The following AFAP1 variants were observed in gnomAD, a reference collection of about 807,000 sequenced individuals.
The protein encoded by AFAP1 is actin filament-associated protein 1.
In AFAP1, 75 loss-of-function variants were observed where a neutral mutation model predicts 93.9. The ratio of observed to expected loss-of-function variants is 0.80; its 90% CI spans 0.66 to 0.97. The LOEUF (loss-of-function observed/expected upper bound fraction) is 0.97, where lower values mean the gene tolerates loss of function less well. Among genes scored for constraint, AFAP1 ranks in the 50% least tolerant of loss-of-function variants. The pLI is 0.00. For missense variants in AFAP1, 1,201 were observed against 1,050.8 expected (o/e 1.14, Z -1.98); for synonymous variants, 517 against 430.7 (o/e 1.20, Z -2.48).
intron 12 of AFAP1, 67 bp from the exon 13 acceptor site, chr4:7,781,694 G>A (rs1412291770): frequency 4.6e-5 from 71 of 1,528,860 alleles, no homozygotes; most frequent in Non-Finnish European, 6.0e-5. Context: ...AGCACAGTGA[G>A]ATGTCATTTA....
At chr4:7,788,394 A>C (rs1717515261) in intron 11 of AFAP1, among the ~76,000 whole-genome samples, 2 of 152,236 alleles carry the variant, frequency 1.3e-5, no homozygotes, top group Non-Finnish European at 2.9e-5. Flanking sequence ...GGGCTTCAGC[A>C]GTGCGGGCCG....
chr4:7,778,928 A>C, intron 13 of AFAP1, 52 bp from the exon 14 acceptor site: 4 of 1,354,522 alleles, frequency 3.0e-6, no homozygotes, highest in Non-Finnish European at 3.1e-6. Context: ...AGTCAAACAA[A>C]TCTTGGTCTT....
intron 1 of AFAP1, among the ~76,000 whole-genome samples, chr4:7,905,497 G>T (rs1388597906): frequency 6.6e-6 from 1 of 152,216 alleles, no homozygotes; most frequent in Non-Finnish European, 1.5e-5. Flanking sequence ...CCCTCTGGGC[G>T]CACAGCTGCT....
intron 8 of AFAP1, 104 bp from the exon 9 acceptor site, chr4:7,809,867 T>C: frequency 2.2e-6 from 3 of 1,386,038 alleles, no homozygotes; most frequent in Non-Finnish European, 2.9e-6. Flanking sequence ...TGGCATTTTT[T>C]TCTTTTATTA....
At chr4:7,903,722 T>C (rs1184501167) in intron 1 of AFAP1, among the ~76,000 whole-genome samples, 3 of 152,084 alleles carry the variant, frequency 2.0e-5, no homozygotes, top group Non-Finnish European at 4.4e-5. Context: ...GAGAATAAGA[T>C]ACCAAAAGAA....
rs574054604 is a variant in AFAP1, at chr4:7,769,624, T to C, written c.2254-616A>G. Among the ~76,000 whole-genome samples the C allele has an allele frequency of 3.0e-3, 449 of 149,564 alleles. 1 individual carries two copies. Among genetic ancestry groups the C allele is most frequent in the Non-Finnish European group, 5.1e-3 (343 of 67,672 alleles). On this transcript the variant is annotated intron_variant, in intron 16 of 17. Transcript: ENST00000420658. ...GGCCCCCATTGCTGGCTCTTCCATA[T>C]GGGATCCCAAACTGCTCTCTGGGGG...
chr4:7,933,712 A>G (rs989936500), intron 1 of AFAP1, among the ~76,000 whole-genome samples: 3 of 152,222 alleles, frequency 2.0e-5, no homozygotes, highest in African/African-American at 7.2e-5. Context: ...GACCAGATAG[A>G]GGCCTCAGGA....
chr4:7,764,829 G>A (rs1714328998), intron 17 of AFAP1, among the ~76,000 whole-genome samples: 1 of 152,124 alleles, frequency 6.6e-6, no homozygotes, highest in African/African-American at 2.4e-5. Context: ...ACAGGTAGGT[G>A]CAGGGCTCAT....
chr4:7,903,995 G>C (rs981379594), intron 1 of AFAP1, among the ~76,000 whole-genome samples: 2 of 150,790 alleles, frequency 1.3e-5, no homozygotes, highest in Admixed American at 6.6e-5. Context: ...GAAAATGTGT[G>C]TGTTTATTTG....
At chr4:7,800,379 T>C in intron 10 of AFAP1, 63 bp downstream of exon 10, 4 of 1,555,820 alleles carry the variant, frequency 2.6e-6, no homozygotes, top group Non-Finnish European at 3.5e-6. Context: ...AGCATTCGCC[T>C]TTTGAAAGGA....
intron 3 of AFAP1, among the ~76,000 whole-genome samples, chr4:7,863,950 C>A: frequency 1.3e-5 from 2 of 152,228 alleles, no homozygotes; most frequent in Non-Finnish European, 2.9e-5. Flanking sequence ...TTTCACAACC[C>A]ATTCCCAACT....
At chr4:7,835,440 C>T (rs536724702) in intron 6 of AFAP1, among the ~76,000 whole-genome samples, 2 of 106,158 alleles carry the variant, frequency 1.9e-5, no homozygotes, top group Admixed American at 8.9e-5. Context: ...ACCTGGGTGG[C>T]TCTTGAATGG....
At chr4:7,838,831 G>C (rs1712632218) in intron 5 of AFAP1, 128 bp from the exon 6 acceptor site, 1 of 877,770 alleles carries the variant, frequency 1.1e-6, no homozygotes, top group Non-Finnish European at 1.8e-6. Flanking sequence ...CAGATGAGCA[G>C]GTTCACACAC....
At chr4:7,889,653 TGA>T (rs1308395729) in intron 1 of AFAP1, among the ~76,000 whole-genome samples, 1 of 149,232 alleles carries the variant, frequency 6.7e-6, no homozygotes, top group East Asian at 1.9e-4. Context: ...TTTAAACATG[TGA>T]GGTTTATTGT....
chr4:7,786,327 T>C lies in AFAP1; in HGVS notation c.1413-16A>G. 6.3e-7 allele frequency: 1 copy of C among 1,595,224 alleles called. No homozygotes were observed. Among genetic ancestry groups the C allele is most frequent in the East Asian group, 2.2e-5 (1 of 44,780 alleles). The stretch of plus-strand genomic sequence containing the variant: ...GTTCATGAAACTGAAAGAAAGGAAA[T>C]GCGTTAAAATCCATAACCTGACCAC... On this transcript the variant is annotated splice_polypyrimidine_tract_variant and intron_variant, in intron 11 of 17. Coordinates refer to ENST00000420658, the MANE Select transcript of AFAP1 (RefSeq NM_001134647.2).
In AFAP1 at chr4:7,930,945, T is replaced by C. The variant is rs572435161; in HGVS notation, c.-3+8711A>G. ...TTTGTATTTTTTAGTAGAGACGAGG[T>C]TTCACTGTGTTGGCCAGGCTGGCCT... On this transcript the variant is annotated intron_variant, in intron 1 of 17. Coordinates refer to ENST00000420658, the MANE Select transcript of AFAP1 (RefSeq NM_001134647.2). 3.9e-5 allele frequency among the ~76,000 whole-genome samples: 6 copies of C among 152,210 alleles called. No individual in the cohort carries two copies. In the South Asian group the frequency reaches 1.2e-3, roughly 32 times the overall value.
intron 6 of AFAP1, among the ~76,000 whole-genome samples, chr4:7,821,879 C>G (rs1356814254): frequency 3.3e-5 from 5 of 152,128 alleles, no homozygotes; most frequent in Non-Finnish European, 7.3e-5. Flanking sequence ...GTGATGTCCA[C>G]AGTTGAGACT....
chr4:7,819,798 C>A (rs148335060), intron 6 of AFAP1, among the ~76,000 whole-genome samples: 1 of 152,288 alleles, frequency 6.6e-6, no homozygotes, highest in Non-Finnish European at 1.5e-5. Flanking sequence ...AGAGGAGGGA[C>A]TGGATTCAAG....
At chr4:7,841,231 A>G (rs1000349311) in intron 5 of AFAP1, among the ~76,000 whole-genome samples, 2 of 152,214 alleles carry the variant, frequency 1.3e-5, no homozygotes, top group African/African-American at 4.8e-5. Context: ...CCTCAGGGAT[A>G]CCACCATGAG....
Sources: gnomAD v4.1 joint callset for allele counts (sites outside exome capture counted in the v4.1 genomes callset) on GRCh38, gnomAD v4.1.1 for gene constraint, MANE v1.5 for transcripts, NCBI Gene and HGNC (gene_info 2026-07-23, HGNC 2026-07-21) for gene names.